The following PRKN variants were observed in gnomAD, a reference collection of about 807,000 sequenced individuals.
The protein encoded by PRKN is parkin RBR E3 ubiquitin protein ligase.
In PRKN, 56 loss-of-function variants were observed where a neutral mutation model predicts 59.5. That is an observed-to-expected ratio of 0.94 (90% CI 0.76 to 1.18). The LOEUF (loss-of-function observed/expected upper bound fraction) is 1.18, where lower values mean the gene tolerates loss of function less well. PRKN is among the 50% of genes most tolerant of loss of function. The probability of loss-of-function intolerance (pLI) is 0.00; values close to 1 mark genes in which losing one functional copy is unlikely to be tolerated. For missense variants in PRKN, 657 were observed against 596.4 expected (o/e 1.10, Z -1.06); for synonymous variants, 250 against 222.1 (o/e 1.13, Z -1.12).
chr6:162,645,728 G>A (rs1201242929), intron 1 of PRKN, among the ~76,000 whole-genome samples: 2 of 152,126 alleles, frequency 1.3e-5, no homozygotes, highest in African/African-American at 4.8e-5. Context: ...TATAACTGAT[G>A]AGATTGTTTG....
At chr6:161,858,631 T>G (rs1793753260) in intron 6 of PRKN, among the ~76,000 whole-genome samples, 1 of 151,888 alleles carries the variant, frequency 6.6e-6, no homozygotes, top group Non-Finnish European at 1.5e-5. Flanking sequence ...GAACTTTCTG[T>G]TCCAGAGTGA....
intron 7 of PRKN, among the ~76,000 whole-genome samples, chr6:161,750,102 T>C (rs1253824798): frequency 0.012 from 1,108 of 93,752 alleles, 11 homozygotes; most frequent in African/African-American, 0.046. Context: ...ATAGGACATA[T>C]ATATATATAT....
At chr6:162,293,009 G>C (rs1253129108) in intron 2 of PRKN, among the ~76,000 whole-genome samples, 3 of 152,166 alleles carry the variant, frequency 2.0e-5, no homozygotes, top group African/African-American at 7.2e-5. Flanking sequence ...AGGTCAAAGA[G>C]ACTTTCTGAG....
chr6:161,961,906 T>C (rs1223550473), intron 6 of PRKN, among the ~76,000 whole-genome samples: 1 of 152,172 alleles, frequency 6.6e-6, no homozygotes, highest in African/African-American at 2.4e-5. Flanking sequence ...TGTAGCCCAG[T>C]GCCTCTCAGT....
At chr6:162,054,251 G>C (rs41268561) in intron 4 of PRKN, 77 bp from the exon 5 acceptor site, 1 of 901,974 alleles carries the variant, frequency 1.1e-6, no homozygotes, top group African/African-American at 1.7e-5. Flanking sequence ...TTCCACTTAT[G>C]TTATAAAATA....
intron 1 of PRKN, among the ~76,000 whole-genome samples, chr6:162,677,879 T>C (rs1779614601): frequency 6.6e-6 from 1 of 152,142 alleles, no homozygotes; most frequent in African/African-American, 2.4e-5. Flanking sequence ...CATATACATA[T>C]ACCCATAAAA....
intron 2 of PRKN, among the ~76,000 whole-genome samples, chr6:162,391,865 G>T (rs1215044164): frequency 6.6e-6 from 1 of 152,052 alleles, no homozygotes; most frequent in African/African-American, 2.4e-5. Context: ...TTAGTGCATT[G>T]TTTCTAAAAG....
intron 7 of PRKN, among the ~76,000 whole-genome samples, chr6:161,679,777 T>C (rs184505199): frequency 0.072 from 7,846 of 109,312 alleles, 447 homozygotes; most frequent in Middle Eastern, 0.12. Flanking sequence ...TTTTTTGAGA[T>C]GGAGTCTCAC....
At chr6:162,276,151 G>C (rs1011035848) in intron 2 of PRKN, among the ~76,000 whole-genome samples, 3 of 152,130 alleles carry the variant, frequency 2.0e-5, no homozygotes, top group South Asian at 2.1e-4. Flanking sequence ...AATACATCAC[G>C]AGTTCAATCT....
intron 6 of PRKN, among the ~76,000 whole-genome samples, chr6:161,932,567 G>A (rs1455501039): frequency 6.6e-6 from 1 of 152,028 alleles, no homozygotes; most frequent in Non-Finnish European, 1.5e-5. Context: ...CATGCTCGAG[G>A]GAAGCCAAAT....
intron 6 of PRKN, among the ~76,000 whole-genome samples, chr6:161,955,588 C>T (rs1238459232): frequency 6.6e-6 from 1 of 152,196 alleles, no homozygotes; most frequent in African/African-American, 2.4e-5. Context: ...CAGTGGCTCA[C>T]GCCTGTGATC....
At chr6:162,631,674 G>A (rs189175763) in intron 1 of PRKN, among the ~76,000 whole-genome samples, 2 of 152,178 alleles carry the variant, frequency 1.3e-5, no homozygotes, top group East Asian at 1.9e-4. Flanking sequence ...TTCTTTTGCT[G>A]TGCAAGCTCA....
intron 2 of PRKN, among the ~76,000 whole-genome samples, chr6:162,333,098 C>T (rs1034284944): frequency 7.2e-5 from 11 of 151,996 alleles, no homozygotes; most frequent in Admixed American, 4.6e-4. Context: ...TGTTACTATA[C>T]TTTTTCCTAT....
chr6:162,173,498 C>T (rs748178283), intron 4 of PRKN, among the ~76,000 whole-genome samples: 1 of 150,652 alleles, frequency 6.6e-6, no homozygotes, highest in Non-Finnish European at 1.5e-5. Flanking sequence ...ATGTGGAGTG[C>T]GTCCTGGACA....
At chr6:162,533,208 C>T (rs1778582693) in intron 1 of PRKN, among the ~76,000 whole-genome samples, 1 of 152,200 alleles carries the variant, frequency 6.6e-6, no homozygotes, top group Admixed American at 6.5e-5. Flanking sequence ...CTATTGTTCT[C>T]TGGGTGAATC....
At chr6:162,040,329 T>C (rs1233290726) in intron 5 of PRKN, among the ~76,000 whole-genome samples, 1 of 152,140 alleles carries the variant, frequency 6.6e-6, no homozygotes, top group African/African-American at 2.4e-5. Flanking sequence ...AGTAACAGCA[T>C]AAGTTCTACT....
At chr6:162,380,492 CACACATATATATGTGTGTATAT>C (rs1786410815) in intron 2 of PRKN, among the ~76,000 whole-genome samples, 2 of 23,776 alleles carry the variant, frequency 8.4e-5, no homozygotes, top group African/African-American at 4.8e-4. Context: ...TGTATATATA[CACACATATATATGTGTGTATAT>C]ATATATATAT....
chr6:161,528,515 A>G (rs1365577402), intron 9 of PRKN, among the ~76,000 whole-genome samples: 2 of 152,186 alleles, frequency 1.3e-5, no homozygotes, highest in Non-Finnish European at 2.9e-5. Flanking sequence ...AGATCCTAGA[A>G]ATCACAGCAG....
intron 5 of PRKN, among the ~76,000 whole-genome samples, chr6:162,044,886 C>T (rs1031493023): frequency 2.0e-5 from 3 of 152,188 alleles, no homozygotes; most frequent in Admixed American, 6.5e-5. Context: ...GATATACTAA[C>T]TTGTGTTATT....
Sources: gnomAD v4.1 joint callset for allele counts (sites outside exome capture counted in the v4.1 genomes callset) on GRCh38, gnomAD v4.1.1 for gene constraint, MANE v1.5 for transcripts, NCBI Gene and HGNC (gene_info 2026-07-23, HGNC 2026-07-21) for gene names.